The following NECAB3 variants were observed in gnomAD, a reference collection of about 807,000 sequenced individuals.
The protein encoded by NECAB3 is N-terminal EF-hand calcium binding protein 3.
NECAB3 carries 38 observed loss-of-function variants against 57.2 expected under a neutral mutation model. The observed-to-expected ratio is 0.66, with a 90% CI of 0.51 to 0.87. The LOEUF is 0.87. Ranked by LOEUF, NECAB3 falls within the 40% of genes least tolerant of loss-of-function variation. NECAB3 has a pLI of 0.00. For missense variants in NECAB3, 474 were observed against 527.5 expected, an observed-to-expected ratio of 0.90 and a Z score of 0.99; for synonymous variants, 223 against 222.6, an observed-to-expected ratio of 1.00 and a Z score of -0.02.
upstream of NECAB3, chr20:33,674,502 C>T (rs1471402968): frequency 1.4e-5 from 10 of 733,572 alleles, no homozygotes; most frequent in African/African-American, 3.8e-5. Flanking sequence ...ACGCCGGGTT[C>T]CCTCGCCTCA....
chr20:33,674,486 C>A (rs2017911867), upstream of NECAB3: 2 of 809,826 alleles, frequency 2.5e-6, no homozygotes, highest in East Asian at 2.3e-4. Flanking sequence ...CGCCCCGCCC[C>A]CGCGGACGCC....
intron 3 of NECAB3, 100 bp from the exon 4 acceptor site, chr20:33,669,812 C>T: frequency 7.8e-7 from 1 of 1,287,452 alleles, no homozygotes; most frequent in Non-Finnish European, 1.1e-6. Flanking sequence ...CCCAGCTTAG[C>T]CTAACAAGGC....
chr20:33,663,822 G>A (rs890531753), intron 5 of NECAB3: 15 of 1,410,968 alleles, frequency 1.1e-5, no homozygotes, highest in African/African-American at 9.1e-5. Context: ...GCCCCGCCGA[G>A]GAGCAGCCGC....
At chr20:33,669,069 TATGAAGCA>T (rs1472918414) in intron 5 of NECAB3, 7 of 353,904 alleles carry the variant, frequency 2.0e-5, no homozygotes, top group Non-Finnish European at 3.1e-5. Context: ...CAGCCCCTAG[TATGAAGCA>T]CCCAGTGTAT....
At chr20:33,659,374 A>G in intron 8 of NECAB3, 123 bp downstream of exon 8, 2 of 816,964 alleles carry the variant, frequency 2.4e-6, no homozygotes, top group Non-Finnish European at 3.6e-6. Flanking sequence ...CCTGCTTGCC[A>G]GGCCTGGGGG....
At chr20:33,667,763 T>TG in intron 5 of NECAB3, 1 of 1,612,598 alleles carries the variant, frequency 6.2e-7, no homozygotes, top group Non-Finnish European at 8.5e-7. Flanking sequence ...TACGTGTCCC[T>TG]GGACTTCGAG....
At chr20:33,663,782 G>A (rs529965841) in intron 5 of NECAB3, 6 of 1,415,176 alleles carry the variant, frequency 4.2e-6, no homozygotes, top group Middle Eastern at 2.6e-4. Context: ...TCGCGCTTCC[G>A]GTCCCCGGGG....
chr20:33,658,379 T>C, intron 10 of NECAB3, 98 bp downstream of exon 10: 2 of 1,278,524 alleles, frequency 1.6e-6, no homozygotes, highest in Non-Finnish European at 2.2e-6. Flanking sequence ...TCATCTGAGG[T>C]CACAGAGCCA....
At chr20:33,672,539 C>G in intron 1 of NECAB3, 117 bp from the exon 2 acceptor site, 3 of 1,255,034 alleles carry the variant, frequency 2.4e-6, no homozygotes, top group Non-Finnish European at 3.5e-6. Context: ...CCTTTCCTCC[C>G]GCCCAGCCTG....
At chr20:33,671,407 CG>C in intron 2 of NECAB3, among the ~76,000 whole-genome samples, 1 of 152,050 alleles carries the variant, frequency 6.6e-6, no homozygotes, top group Non-Finnish European at 1.5e-5. Context: ...GGAGCTGACC[CG>C]GGGGAGGATC....
In NECAB3 at chr20:33,660,099, G is replaced by A; in HGVS notation, c.525-96C>T. On this transcript the variant is annotated intron_variant, in intron 6 of 11. Transcript: ENST00000246190. This position sits in a 1 kb window ranked among gnomAD's most constrained non-coding sequence, Gnocchi z 4.1. The stretch of plus-strand genomic sequence containing the variant: ...AAGCCTCCTGGGACTCCGAGGCCTA[G>A]CCCCAAAGCCAGTCTCATTTCACCC... 6.6e-7 allele frequency: 1 copy of A among 1,518,786 alleles called. No homozygotes were observed. The highest frequency in any genetic ancestry group is 8.8e-7 in the Non-Finnish European group (1 of 1,135,968). The allele number at this position is 1,518,786 out of a possible 1,614,324, so 94.1% of individuals were successfully genotyped here. A position where few individuals can be genotyped will look rare whatever the true frequency, so the allele number is the denominator to read the frequency against.
rs558624961 is a variant in NECAB3, at chr20:33,657,480, C to T, written c.*349G>A. The T allele has an allele frequency of 4.5e-5, 14 of 314,578 alleles. No individual in the cohort carries two copies. The Admixed American group carries it at 6.0e-4, about 14-fold the overall frequency. The allele number at this position is 314,578 out of a possible 1,614,324, so 19.5% of individuals were successfully genotyped here. On this transcript the variant is annotated 3_prime_UTR_variant, in exon 12 of 12. Transcript: ENST00000246190. Reference sequence around the variant, plus strand: ...AAGACAGCAGGAAGAAAGCAGGACCCTCGCTAGGCGGCCAGATGGCCTGAG... The same window carrying T: ...AAGACAGCAGGAAGAAAGCAGGACCTTCGCTAGGCGGCCAGATGGCCTGAG...
rs748188267 is a variant in NECAB3 at position 33,670,686 on chromosome 20, G to A, written c.261C>T (p.Thr87=). Residue 87 remains threonine (T), a splice_region_variant and synonymous_variant, in exon 3 of 12, where the codon ACC becomes ACT. Transcript: ENST00000246190. ...ELFSGIDGHL[T]DNLETEKLCD... ...CCACGGCCCCCTCTCATACTCACTC[G>A]GTGAGATGCCCATCAATGCCGCTGA... 2.4e-5 allele frequency: 39 copies of A among 1,612,272 alleles called. 1 individual carries two copies. Among genetic ancestry groups the A allele is most frequent in the South Asian group, 2.0e-4 (18 of 91,014 alleles).
intron 5 of NECAB3, chr20:33,667,345 G>C (rs2017688960): frequency 3.0e-6 from 3 of 1,014,812 alleles, no homozygotes; most frequent in Non-Finnish European, 2.6e-6. Flanking sequence ...GGAGGCGCTG[G>C]AAGGGCTGTG....
In NECAB3 at chr20:33,661,190, G is replaced by A. The variant is rs143904671; in HGVS notation, c.388-795C>T. Among the ~76,000 whole-genome samples the A allele has an allele frequency of 5.6e-4, 85 of 152,286 alleles. 1 individual carries two copies. Among genetic ancestry groups the A allele is most frequent in the African/African-American group, 1.9e-3 (79 of 41,534 alleles). On this transcript the variant is annotated intron_variant, in intron 5 of 11. Coordinates refer to ENST00000246190, the MANE Select transcript of NECAB3 (RefSeq NM_031232.4). ...CCCAGGGTCTGGCACGTAAGCTCTC[G>A]ATGCCAGACCTACCAGCCATCTATC...
chr20:33,674,517 C>G (rs967554414), upstream of NECAB3: 8 of 608,042 alleles, frequency 1.3e-5, no homozygotes, highest in Middle Eastern at 7.9e-4. Context: ...GCCTCAAGGT[C>G]CAACTCCAGC....
chr20:33,659,928 A>G lies in NECAB3; in HGVS notation c.600T>C (p.Ser200=). The change falls in exon 7 of 12, where the codon AGT becomes AGC. Residue 200 remains serine (S), a synonymous_variant. Coordinates refer to ENST00000246190, the MANE Select transcript of NECAB3 (RefSeq NM_031232.4). ...SRRAGRRALR[S]VSRSSTWSPG... is the part of the protein sequence containing the mutation. ...GGGACCAGGTGGATGACCGGCTGAC[A>G]CTCCTCAGGGCTCGGCGTCCTGCCC... The G allele has an allele frequency of 6.5e-7, 1 of 1,549,250 alleles. No individual in the cohort carries two copies. Among genetic ancestry groups the G allele is most frequent in the Non-Finnish European group, 8.7e-7 (1 of 1,149,008 alleles).
Position 33,659,909 on chromosome 20 carries a change from AGGTGGATGACC to A in NECAB3, c.608_618del (p.Arg203LeufsTer7). ...CCTGTGTCAGAAGAGCCGGGGGACC[AGGTGGATGACC>A]GGCTGACACTCCTCAGGGCTCGGCG... On this transcript the variant is annotated frameshift_variant, in exon 7 of 12. Transcript: ENST00000246190. LOFTEE classifies it high-confidence loss of function. The A allele has an allele frequency of 1.3e-6, 2 of 1,547,608 alleles. No individual in the cohort carries two copies. The highest frequency in any genetic ancestry group is 1.7e-6 in the Non-Finnish European group (2 of 1,148,190).
intron 5 of NECAB3, chr20:33,667,619 C>T: frequency 6.3e-7 from 1 of 1,597,288 alleles, no homozygotes; most frequent in South Asian, 1.1e-5. Context: ...TGGCACCAGG[C>T]CACCTTCCGA....
Sources: allele counts gnomAD v4.1 joint callset (sites outside exome capture counted in the v4.1 genomes callset), GRCh38; gene constraint gnomAD v4.1.1; non-coding constraint Gnocchi (gnomAD v3.1); transcripts MANE v1.5; gene names NCBI Gene and HGNC (gene_info 2026-07-23, HGNC 2026-07-21).